Variants in STAU1 observed in about 807,000 individuals in gnomAD.
STAU1 encodes the protein staufen double-stranded RNA binding protein 1.
STAU1 carries 13 observed loss-of-function variants against 62.9 expected under a neutral mutation model. That is an observed-to-expected ratio of 0.21 (90% CI 0.13 to 0.33). The LOEUF is 0.33. STAU1 is among the 10% of genes least tolerant of loss of function. The pLI is 1.00. For missense variants in STAU1, 571 were observed against 712.1 expected (o/e 0.80, Z 2.25); for synonymous variants, 269 against 265.1 (o/e 1.01, Z -0.14).
At chr20:49,200,785 G>A in the STAU1 span, among the ~76,000 whole-genome samples, 1 of 151,696 alleles carries the variant, frequency 6.6e-6, no homozygotes, top group African/African-American at 2.4e-5. Flanking sequence ...CCAGTGCAGT[G>A]GCACTTTGGG....
intron 5 of STAU1, among the ~76,000 whole-genome samples, chr20:49,138,071 G>C (rs1403200435): frequency 2.0e-5 from 3 of 152,086 alleles, no homozygotes; most frequent in Non-Finnish European, 4.4e-5. Flanking sequence ...GATTGCTTAT[G>C]CCCAGTTTGA....
intron 1 of STAU1, among the ~76,000 whole-genome samples, chr20:49,187,714 G>A (rs1057377756): frequency 3.3e-5 from 5 of 151,294 alleles, no homozygotes. Flanking sequence ...TAACCACTAA[G>A]CTACAGACCT....
At chr20:49,198,320 C>T in the STAU1 span, among the ~76,000 whole-genome samples, 2 of 151,426 alleles carry the variant, frequency 1.3e-5, no homozygotes, top group South Asian at 4.2e-4. Flanking sequence ...TCAAAACCAG[C>T]CTGATCAACC....
At chr20:49,126,719 G>C (rs1464046657) in intron 6 of STAU1, among the ~76,000 whole-genome samples, 1 of 151,886 alleles carries the variant, frequency 6.6e-6, no homozygotes, top group African/African-American at 2.4e-5. Flanking sequence ...ATGGTTTTGT[G>C]TAAGGATAAA....
At chr20:49,134,023 A>AT (rs1179838535) in intron 6 of STAU1, among the ~76,000 whole-genome samples, 16 of 152,248 alleles carry the variant, frequency 1.1e-4, no homozygotes, top group Non-Finnish European at 2.1e-4. Context: ...TTACAGGAAT[A>AT]TAAGCTTCAG....
chr20:49,153,402 TAA>T (rs34795501), intron 4 of STAU1, among the ~76,000 whole-genome samples: 3 of 129,818 alleles, frequency 2.3e-5, no homozygotes, highest in Admixed American at 7.7e-5. Flanking sequence ...CTCAATGAAT[TAA>T]AAAAAAAAAA....
At chr20:49,205,426 CA>C in the STAU1 span, among the ~76,000 whole-genome samples, 1 of 141,828 alleles carries the variant, frequency 7.1e-6, no homozygotes. Context: ...AGTGCAGCGG[CA>C]CGATCTCGGC....
chr20:49,153,172 C>T (rs1380968764), intron 4 of STAU1, among the ~76,000 whole-genome samples: 4 of 150,016 alleles, frequency 2.7e-5, no homozygotes, highest in Admixed American at 2.0e-4. Context: ...ATAGCATGAA[C>T]CCGGGAGGCA....
At chr20:49,128,773 C>CAA (rs34891670) in intron 6 of STAU1, among the ~76,000 whole-genome samples, 1,450 of 102,592 alleles carry the variant, frequency 0.014, 39 homozygotes, top group African/African-American at 0.049. Context: ...CATCCAAATC[C>CAA]AAAAAAAAAA....
chr20:49,179,537 T>C (rs916478175), intron 1 of STAU1, among the ~76,000 whole-genome samples: 1 of 152,126 alleles, frequency 6.6e-6, no homozygotes, highest in Non-Finnish European at 1.5e-5. Flanking sequence ...ACAAGGAAAA[T>C]AAGCTTCCAA....
intron 6 of STAU1, among the ~76,000 whole-genome samples, chr20:49,125,596 C>A (rs981696816): frequency 6.6e-6 from 1 of 150,968 alleles, no homozygotes; most frequent in Non-Finnish European, 1.5e-5. Flanking sequence ...CCTGTAATCC[C>A]AGCACTTTGG....
intron 12 of STAU1, among the ~76,000 whole-genome samples, chr20:49,116,747 T>C (rs2092335009): frequency 6.6e-6 from 1 of 152,208 alleles, no homozygotes; most frequent in Non-Finnish European, 1.5e-5. Context: ...ATAACAATAA[T>C]TTCATCTGAA....
intron 3 of STAU1, among the ~76,000 whole-genome samples, chr20:49,163,059 G>T (rs1331903981): frequency 1.3e-5 from 2 of 152,054 alleles, no homozygotes; most frequent in African/African-American, 4.8e-5. Context: ...GGGCATGGTG[G>T]CGTGTGCCTA....
chr20:49,118,240 G>A (rs921864255), intron 10 of STAU1, 93 bp downstream of exon 10: 18 of 1,385,474 alleles, frequency 1.3e-5, no homozygotes, highest in African/African-American at 1.0e-4. Flanking sequence ...CTTTGCATGC[G>A]GGACCTCACT....
intron 5 of STAU1, among the ~76,000 whole-genome samples, chr20:49,150,392 C>T (rs8117492): frequency 0.38 from 58,030 of 151,088 alleles, 11,219 homozygotes; most frequent in Middle Eastern, 0.5. Flanking sequence ...GACAGAGTCT[C>T]GCTCTGTCCC....
Position 49,118,354 on chromosome 20 carries a change from A to G in STAU1, c.1168T>C (p.Ser390Pro). 1 of 1,613,790 alleles carries G rather than the reference A, an allele frequency of 6.2e-7. No individual in the cohort carries two copies. Among genetic ancestry groups the G allele is most frequent in the South Asian group, 1.1e-5 (1 of 91,056 alleles). The change falls in exon 10 of 14, where the codon TCT becomes CCT. Residue 390 changes from serine (S) to proline (P), a missense_variant. Ser to Pro is a moderately conservative substitution (Grantham distance 74). This residue lies in a region of STAU1 where 414 missense variants were observed against 499.6 expected (regional missense o/e 0.83). Coordinates refer to ENST00000371856, the MANE Select transcript of STAU1 (RefSeq NM_017453.4). ...TTACTAGTCCCATTTTCATCCCCAG[A>G]GCCAGGTTCAAAAAAGGTTACTTTT... ...GRKVTFFEPG[S>P]GDENGTSNKE...
chr20:49,213,800 G>A, the STAU1 span, among the ~76,000 whole-genome samples: 1 of 152,216 alleles, frequency 6.6e-6, no homozygotes, highest in East Asian at 1.9e-4. Flanking sequence ...TTCAAAAGGT[G>A]AGGTATAAGC....
Position 49,187,195 on chromosome 20 carries a change from CAAG to C in STAU1, c.-160+918_-160+920del, listed in dbSNP as rs373795001. Reference sequence around the variant, plus strand: ...AGCAACTTTCCCAGAAATGGAATGACAAGAAGAAGCTGGATGATGGCGGGGCGG... The same window carrying C: ...AGCAACTTTCCCAGAAATGGAATGACAAGAAGCTGGATGATGGCGGGGCGG... On this transcript the variant is annotated intron_variant, in intron 1 of 13. Coordinates refer to ENST00000371856, the MANE Select transcript of STAU1 (RefSeq NM_017453.4). Among the ~76,000 whole-genome samples, 287 of 152,250 alleles carry C rather than the reference CAAG, an allele frequency of 1.9e-3. 1 individual carries two copies. Among genetic ancestry groups the C allele is most frequent in the African/African-American group, 6.5e-3 (268 of 41,530 alleles).
intron 3 of STAU1, among the ~76,000 whole-genome samples, chr20:49,154,298 G>A (rs902725516): frequency 4.6e-5 from 7 of 152,170 alleles, no homozygotes; most frequent in African/African-American, 1.7e-4. Flanking sequence ...AGGGTTACCA[G>A]AGGAGCCACA....
Sources: allele counts gnomAD v4.1 joint callset (sites outside exome capture counted in the v4.1 genomes callset), GRCh38; gene constraint gnomAD v4.1.1; regional missense constraint gnomAD v4.1.1; transcripts MANE v1.5; gene names NCBI Gene and HGNC (gene_info 2026-07-23, HGNC 2026-07-21).